PRDM1: variants seen among roughly 807,000 people sequenced by gnomAD.
PRDM1 encodes PR domain zinc finger protein 1.
A neutral mutation model predicts 62.8 loss-of-function variants in PRDM1; 13 were observed. That is an observed-to-expected ratio of 0.21 (90% CI 0.13 to 0.33). PRDM1 has a LOEUF of 0.33. Ranked by LOEUF, PRDM1 falls within the 10% of genes least tolerant of loss-of-function variation. PRDM1 has a pLI of 1.00. For synonymous variants in PRDM1, 396 were observed against 417.6 expected (o/e 0.95, Z 0.63); for missense variants, 895 against 1,058.8 (o/e 0.85, Z 2.15).
chr6:106,095,832 G>T (rs1373640582), intron 3 of PRDM1, 98 bp downstream of exon 3: 34 of 1,355,872 alleles, frequency 2.5e-5, no homozygotes, highest in Non-Finnish European at 1.9e-5. Flanking sequence ...GCTGAGAAAT[G>T]CTGGGGCTCA....
intron 2 of PRDM1, among the ~76,000 whole-genome samples, chr6:106,090,473 A>G (rs1275494881): frequency 6.6e-6 from 1 of 152,194 alleles, no homozygotes; most frequent in African/African-American, 2.4e-5. Flanking sequence ...ACTTGAATGT[A>G]ATACTGTCTT....
intron 1 of PRDM1, among the ~76,000 whole-genome samples, chr6:105,999,492 A>C (rs1304073325): frequency 2.6e-5 from 4 of 152,060 alleles, no homozygotes; most frequent in Non-Finnish European, 5.9e-5. Flanking sequence ...TTGTTCAGCC[A>C]GGGGCACTCC....
Position 106,108,297 on chromosome 6 carries a change from A to G in PRDM1, c.*811A>G, listed in dbSNP as rs1271154554. 1.3e-5 allele frequency: 3 copies of G among 233,746 alleles called. No individual in the cohort carries two copies. In the East Asian group the frequency reaches 1.8e-4, roughly 14 times the overall value. The allele number at this position is 233,746 out of a possible 1,614,324, so 14.5% of individuals were successfully genotyped here. A position where few individuals can be genotyped will look rare whatever the true frequency, so the allele number is the denominator to read the frequency against. ...CTTTACCAACCTGTCTCTCCCTCCA[A>G]AAGAGCAGAATCCTCCCACCGCCCT... On this transcript the variant is annotated 3_prime_UTR_variant, in exon 7 of 7. Transcript: ENST00000369096.
At chr6:106,078,189 TCTAGTC>T (rs1773633405) in intron 1 of PRDM1, 1 of 152,172 alleles carries the variant, frequency 6.6e-6, no homozygotes, top group African/African-American at 2.4e-5. Flanking sequence ...AATTTGTATT[TCTAGTC>T]CCTCTGTCTA....
At chr6:106,065,114 T>C (rs973873381) in intron 1 of PRDM1, among the ~76,000 whole-genome samples, 2 of 152,142 alleles carry the variant, frequency 1.3e-5, no homozygotes, top group African/African-American at 4.8e-5. Flanking sequence ...GGCTTTAGTC[T>C]TTTTGTTGAT....
intron 1 of PRDM1, among the ~76,000 whole-genome samples, chr6:106,029,990 T>C (rs1204230694): frequency 6.6e-6 from 1 of 152,234 alleles, no homozygotes; most frequent in Non-Finnish European, 1.5e-5. Context: ...TTATTGGCCA[T>C]TGTATATCTT....
At chr6:106,060,757 G>A (rs1285882242) in intron 1 of PRDM1, among the ~76,000 whole-genome samples, 2 of 152,050 alleles carry the variant, frequency 1.3e-5, no homozygotes, top group Non-Finnish European at 2.9e-5. Flanking sequence ...GGCTTTGGAG[G>A]ACATGTGCTT....
chr6:106,032,439 T>C (rs1351912769), intron 1 of PRDM1, among the ~76,000 whole-genome samples: 1 of 151,842 alleles, frequency 6.6e-6, no homozygotes, highest in Non-Finnish European at 1.5e-5. Context: ...TACAATACCG[T>C]ATTTTCTTTT....
At chr6:106,040,708 A>T (rs1156366304) in intron 1 of PRDM1, among the ~76,000 whole-genome samples, 1 of 152,242 alleles carries the variant, frequency 6.6e-6, no homozygotes, top group African/African-American at 2.4e-5. Context: ...GTTATGAATT[A>T]AGAGTAAAAG....
At chr6:106,084,086 C>A (rs950512561), upstream of PRDM1, among the ~76,000 whole-genome samples, 1 of 151,886 alleles carries the variant, frequency 6.6e-6, no homozygotes, top group African/African-American at 2.4e-5. Flanking sequence ...TTTTTGGTAG[C>A]TTTCATTTTA....
chr6:106,060,770 TG>T (rs1773333179), intron 1 of PRDM1, among the ~76,000 whole-genome samples: 1 of 152,028 alleles, frequency 6.6e-6, no homozygotes, highest in Non-Finnish European at 1.5e-5. Context: ...ATGTGCTTCA[TG>T]GCATGATGGC....
upstream of PRDM1, among the ~76,000 whole-genome samples, chr6:106,082,718 CA>C (rs750224837): frequency 2.0e-4 from 30 of 152,240 alleles, no homozygotes; most frequent in Middle Eastern, 6.8e-3. Context: ...TGTAGGAAGT[CA>C]AAACACTGAC....
chr6:106,095,059 A>G (rs892942748), intron 2 of PRDM1, among the ~76,000 whole-genome samples: 2 of 151,640 alleles, frequency 1.3e-5, no homozygotes, highest in African/African-American at 4.8e-5. Context: ...AAAAAAACAC[A>G]CACACACACA....
At chr6:106,092,151 A>T (rs1291794737) in intron 2 of PRDM1, among the ~76,000 whole-genome samples, 2 of 148,416 alleles carry the variant, frequency 1.3e-5, no homozygotes, top group African/African-American at 5.0e-5. Context: ...AAAAAAACAA[A>T]CCTATATTGT....
chr6:106,088,564 A>G, intron 2 of PRDM1, 115 bp downstream of exon 2: 1 of 1,145,490 alleles, frequency 8.7e-7, no homozygotes, highest in Non-Finnish European at 1.2e-6. Flanking sequence ...GTATCAGTAA[A>G]TAATTGATTG....
chr6:106,016,929 GGCATGAGCCACCGT>G (rs1191243748), intron 1 of PRDM1, among the ~76,000 whole-genome samples: 3 of 152,140 alleles, frequency 2.0e-5, no homozygotes, highest in Non-Finnish European at 4.4e-5. Context: ...CGGGATTACA[GGCATGAGCCACCGT>G]GCCTGGCCGC....
intron 1 of PRDM1, among the ~76,000 whole-genome samples, chr6:105,996,371 T>C (rs2114537850): frequency 6.6e-6 from 1 of 152,284 alleles, no homozygotes; most frequent in African/African-American, 2.4e-5. Context: ...AAATTGAATA[T>C]ACAATGTTAA....
intron 1 of PRDM1, among the ~76,000 whole-genome samples, chr6:106,058,967 T>C (rs1237887337): frequency 6.6e-6 from 1 of 152,230 alleles, no homozygotes; most frequent in Non-Finnish European, 1.5e-5. Flanking sequence ...TTTAAATTTA[T>C]AGCATTCAGA....
At chr6:106,078,911 G>A (rs1050611008) in intron 1 of PRDM1, among the ~76,000 whole-genome samples, 1 of 151,482 alleles carries the variant, frequency 6.6e-6, no homozygotes, top group Admixed American at 6.6e-5. Flanking sequence ...GATCATTTGG[G>A]GTCTCTGGAA....
Sources: allele counts gnomAD v4.1 joint callset (sites outside exome capture counted in the v4.1 genomes callset), GRCh38; gene constraint gnomAD v4.1.1; transcripts MANE v1.5; gene names NCBI Gene and HGNC (gene_info 2026-07-23, HGNC 2026-07-21).